SYMPK: variants seen among roughly 807,000 people sequenced by gnomAD.
SYMPK encodes the protein symplekin scaffold protein.
In SYMPK, 49 loss-of-function variants were observed where a neutral mutation model predicts 136.4. That is an observed-to-expected ratio of 0.36 (90% confidence interval 0.29 to 0.46). The LOEUF (loss-of-function observed/expected upper bound fraction) is 0.46, where lower values mean the gene tolerates loss of function less well. Ranked by LOEUF, SYMPK falls within the 20% of genes least tolerant of loss-of-function variation. SYMPK has a pLI of 1.00. For missense variants in SYMPK, 1,365 were observed against 1,690.0 expected (o/e 0.81, Z 3.37); for synonymous variants, 766 against 713.0 (o/e 1.07, Z -1.19).
At position 45,852,552 on chromosome 19, in the gene SYMPK, G is replaced by C. The variant is rs369840452; in HGVS notation, c.172-17C>G. 2 of 1,614,080 alleles carry C rather than the reference G, an allele frequency of 1.2e-6. No homozygotes were observed. Among genetic ancestry groups the C allele is most frequent in the South Asian group, 2.2e-5 (2 of 91,066 alleles). The stretch of plus-strand genomic sequence containing the variant: ...CTCCTGGACCTGGAAGGAGATTGGG[G>C]GTGGGGAGGAGGAATACCCATATAA... On this transcript the variant is annotated splice_polypyrimidine_tract_variant and intron_variant, in intron 3 of 26. Coordinates refer to ENST00000245934, the MANE Select transcript of SYMPK (RefSeq NM_004819.3).
At chr19:45,852,625 A>G in intron 3 of SYMPK, 90 bp from the exon 4 acceptor site, 1 of 1,482,396 alleles carries the variant, frequency 6.7e-7, no homozygotes, top group Non-Finnish European at 9.4e-7. Context: ...GGAAGACAGC[A>G]GAGGGCTAGG....
chr19:45,841,227 C>A (rs2341633), intron 9 of SYMPK, among the ~76,000 whole-genome samples: 12,113 of 151,688 alleles, frequency 0.08, 561 homozygotes, highest in Non-Finnish European at 0.099. Context: ...CAGGTGATCC[C>A]CTCAACTTGG....
chr19:45,843,000 G>A (rs1404199006), intron 8 of SYMPK: 2 of 157,870 alleles, frequency 1.3e-5, no homozygotes, highest in African/African-American at 4.8e-5. Flanking sequence ...CTCCGTTAAG[G>A]GAGACCCCCC....
In SYMPK at chr19:45,854,470, ACGCTGTCTCCACTGC is replaced by A; in HGVS notation, c.11_25del (p.Gly4_Ser8del). The A allele has an allele frequency of 6.2e-7, 1 of 1,614,004 alleles. No individual in the cohort carries two copies. Among genetic ancestry groups the A allele is most frequent in the South Asian group, 1.1e-5 (1 of 91,074 alleles). On this transcript the variant is annotated inframe_deletion, in exon 2 of 27. Transcript: ENST00000245934. ...CTGTGATGCCACGCTCCGACGGGTGACGCTGTCTCCACTGCCGCTCGCCATGGCTGCTGTCAGCTT... is the reference window on the plus strand; with the variant it reads ...CTGTGATGCCACGCTCCGACGGGTGACGCTCGCCATGGCTGCTGTCAGCTT...
rs184008983 is a variant in SYMPK at position 45,850,118 on chromosome 19, A to C, written c.300-1242T>G. ...AAATTAGCTGGGTGTGGTGGCAGGC[A>C]CCTGTAATCCCAGATACTCGGGGGG... is the stretch of plus-strand genomic sequence containing the variant. On this transcript the variant is annotated intron_variant, in intron 5 of 26. Transcript: ENST00000245934. Among the ~76,000 whole-genome samples the C allele has an allele frequency of 3.0e-4, 45 of 152,140 alleles. 1 individual carries two copies. Among genetic ancestry groups the C allele is most frequent in the Admixed American group, 2.4e-3 (37 of 15,254 alleles).
intron 12 of SYMPK, 64 bp from the exon 13 acceptor site, chr19:45,830,268 C>T (rs1971137378): frequency 2.0e-6 from 3 of 1,535,498 alleles, no homozygotes; most frequent in African/African-American, 1.4e-5. Context: ...TGTCTGGTGA[C>T]TCTCCCAACT....
At chr19:45,830,550 T>G (rs1224495368) in intron 12 of SYMPK, 1 of 226,184 alleles carries the variant, frequency 4.4e-6, no homozygotes, top group Non-Finnish European at 9.1e-6. Flanking sequence ...GGGGTGAGGG[T>G]AGCAGAAGAG....
rs755012575 is a variant in SYMPK, at chr19:45,821,341, G to A, written c.2893+43C>T. On this transcript the variant is annotated intron_variant, in intron 22 of 26. Transcript: ENST00000245934. The surrounding 1 kb of genome is among the most constrained non-coding windows in gnomAD (Gnocchi z 4.4). The stretch of plus-strand genomic sequence containing the variant: ...TGGGTGACTGAGGTCCTGCCCTGGC[G>A]TCGCAGGGGCCAGGCCACTGGAGTG... 2.1e-5 allele frequency: 31 copies of A among 1,460,872 alleles called. No homozygotes were observed. The South Asian group carries it at 2.3e-4, about 11-fold the overall frequency. The allele number at this position is 1,460,872 out of a possible 1,614,324, so 90.5% of individuals were successfully genotyped here. A position where few individuals can be genotyped will look rare whatever the true frequency, so the allele number is the denominator to read the frequency against.
chr19:45,841,126 G>T (rs1399902581), intron 9 of SYMPK, among the ~76,000 whole-genome samples: 1 of 151,846 alleles, frequency 6.6e-6, no homozygotes, highest in Non-Finnish European at 1.5e-5. Context: ...AGCAACTACA[G>T]GTGTGCACCA....
chr19:45,827,655 C>A (rs745963004), intron 15 of SYMPK, 32 bp from the exon 16 acceptor site: 1 of 1,589,954 alleles, frequency 6.3e-7, no homozygotes, highest in African/African-American at 1.3e-5. Context: ...CCGAGCTCAG[C>A]CCACCTGAGT....
chr19:45,818,175 C>T (rs1285299078), intron 22 of SYMPK, 29 bp from the exon 23 acceptor site: 58 of 1,507,886 alleles, frequency 3.8e-5, no homozygotes, highest in Non-Finnish European at 4.9e-5. Context: ...TGGGCCTGTC[C>T]TCTCTGCCCA....
intron 10 of SYMPK, among the ~76,000 whole-genome samples, chr19:45,836,057 G>T (rs961857497): frequency 1.3e-5 from 2 of 152,062 alleles, no homozygotes; most frequent in African/African-American, 4.8e-5. Flanking sequence ...TCAGGAATTA[G>T]TAACAAAAGA....
chr19:45,825,362 C>T, intron 17 of SYMPK, 31 bp from the exon 18 acceptor site: 1 of 1,606,142 alleles, frequency 6.2e-7, no homozygotes, highest in East Asian at 2.2e-5. Context: ...ATCAGATTGG[C>T]CCACACTCTT....
At position 45,863,090 on chromosome 19, in the gene SYMPK, C is replaced by G. The variant is rs975243793; in HGVS notation, c.-45G>C. ...CTGGCCTCCGTTCCCCTCGCGCCCC[C>G]TCAGCAGTGCCTCTTCCTACACTCC... On this transcript the variant is annotated 5_prime_UTR_variant, in exon 1 of 27. Transcript: ENST00000245934. 1 of 402,876 alleles carries G rather than the reference C, an allele frequency of 2.5e-6. No individual in the cohort carries two copies. The highest frequency in any genetic ancestry group is 4.4e-6 in the Non-Finnish European group (1 of 227,892). The allele number at this position is 402,876 out of a possible 1,614,324, so 25.0% of individuals were successfully genotyped here. A position where few individuals can be genotyped will look rare whatever the true frequency, so the allele number is the denominator to read the frequency against.
intron 6 of SYMPK, 150 bp downstream of exon 6, chr19:45,848,600 G>A (rs559807259): frequency 2.5e-4 from 273 of 1,079,558 alleles, no homozygotes; most frequent in Middle Eastern, 3.1e-4. Context: ...AGGAGACAAC[G>A]TTAGCTCTCC....
At chr19:45,822,610 G>A (rs1044380758) in intron 21 of SYMPK, 146 bp downstream of exon 21, 22 of 649,512 alleles carry the variant, frequency 3.4e-5, no homozygotes, top group Non-Finnish European at 4.9e-5. Context: ...TGGGAGCTCC[G>A]GGACACATGG....
intron 9 of SYMPK, among the ~76,000 whole-genome samples, chr19:45,839,317 T>C (rs1971381270): frequency 6.6e-6 from 1 of 152,122 alleles, no homozygotes; most frequent in Non-Finnish European, 1.5e-5. Context: ...CAGGGTTCCT[T>C]AAAAAGAAAG....
chr19:45,839,957 A>C (rs561536794), intron 9 of SYMPK, among the ~76,000 whole-genome samples: 11 of 152,334 alleles, frequency 7.2e-5, no homozygotes, highest in Non-Finnish European at 1.3e-4. Context: ...TAAAAATGGC[A>C]CTTGACACTA....
intron 23 of SYMPK, among the ~76,000 whole-genome samples, chr19:45,817,415 C>CTTTTTTTTTTTT (rs1568605953): frequency 2.9e-4 from 29 of 100,190 alleles, no homozygotes; most frequent in African/African-American, 1.1e-3. Context: ...TTTTTTTGTT[C>CTTTTTTTTTTTT]TCTTTTTTTT....
Sources: allele counts gnomAD v4.1 joint callset (sites outside exome capture counted in the v4.1 genomes callset), GRCh38; gene constraint gnomAD v4.1.1; non-coding constraint Gnocchi (gnomAD v3.1); transcripts MANE v1.5; gene names NCBI Gene and HGNC (gene_info 2026-07-23, HGNC 2026-07-21).